UBE2G1: variants seen among roughly 807,000 people sequenced by gnomAD.
The protein encoded by UBE2G1 is ubiquitin-conjugating enzyme E2 G1.
In UBE2G1, 5 loss-of-function variants were observed where a neutral mutation model predicts 22.7. That is an observed-to-expected ratio of 0.22 (90% CI 0.12 to 0.46). The LOEUF (loss-of-function observed/expected upper bound fraction) is 0.46. Ranked by LOEUF, UBE2G1 falls within the 20% of genes least tolerant of loss-of-function variation. The pLI is 0.99. For synonymous variants in UBE2G1, 74 were observed against 67.5 expected, an observed-to-expected ratio of 1.10 and a Z score of -0.47; for missense variants, 88 against 203.9, an observed-to-expected ratio of 0.43 and a Z score of 3.46.
At chr17:4,343,527 C>G (rs1969734133) in intron 1 of UBE2G1, among the ~76,000 whole-genome samples, 1 of 152,106 alleles carries the variant, frequency 6.6e-6, no homozygotes, top group African/African-American at 2.4e-5. Flanking sequence ...TATGTCCAAG[C>G]CCTCTTTTCA....
At position 4,275,146 on chromosome 17, in the gene UBE2G1, G is replaced by T. The variant is rs1013909883; in HGVS notation, c.*38-2630C>A. ...AATCAGGCGACCTAGCCTTTTAATA[G>T]CAAAGATCCAGTTTTAAACAGCATT... On this transcript the variant is annotated intron_variant, in intron 5 of 5. Coordinates refer to ENST00000396981, the MANE Select transcript of UBE2G1 (RefSeq NM_003342.5). Among the ~76,000 whole-genome samples the T allele has an allele frequency of 3.3e-5, 5 of 152,146 alleles. No homozygotes were observed. The East Asian group carries it at 9.6e-4, about 29-fold the overall frequency.
At chr17:4,301,923 G>T (rs2143721545) in intron 2 of UBE2G1, 1 of 487,738 alleles carries the variant, frequency 2.1e-6, no homozygotes, top group Non-Finnish European at 4.1e-6. Flanking sequence ...ACAACCCCTG[G>T]GGTCACACTT....
chr17:4,365,814 C>A (rs967261893), intron 1 of UBE2G1, among the ~76,000 whole-genome samples: 1 of 152,196 alleles, frequency 6.6e-6, no homozygotes, highest in Non-Finnish European at 1.5e-5. Context: ...CCCGCCAGGG[C>A]CGGTCCCTTC....
chr17:4,332,119 AAGTATATAT>A, intron 1 of UBE2G1, among the ~76,000 whole-genome samples: 1 of 152,314 alleles, frequency 6.6e-6, no homozygotes, highest in African/African-American at 2.4e-5. Flanking sequence ...TTTTAAAGCT[AAGTATATAT>A]ACATATACAT....
At chr17:4,362,826 C>T (rs536386535) in intron 1 of UBE2G1, among the ~76,000 whole-genome samples, 16 of 152,228 alleles carry the variant, frequency 1.1e-4, no homozygotes, top group Admixed American at 3.3e-4. Flanking sequence ...TATGTCACTG[C>T]GCTCCAGTCT....
intron 1 of UBE2G1, among the ~76,000 whole-genome samples, chr17:4,328,762 A>C (rs2031579560): frequency 6.6e-6 from 1 of 152,208 alleles, no homozygotes; most frequent in Non-Finnish European, 1.5e-5. Context: ...ATTGACTGCC[A>C]CTTGATGGGC....
intron 1 of UBE2G1, among the ~76,000 whole-genome samples, chr17:4,357,968 GAC>G (rs1969926547): frequency 6.6e-6 from 1 of 150,944 alleles, no homozygotes; most frequent in African/African-American, 2.4e-5. Context: ...GATATATGTA[GAC>G]ACAAAGAGAG....
intron 1 of UBE2G1, among the ~76,000 whole-genome samples, chr17:4,313,005 A>G (rs1445166950): frequency 1.3e-5 from 2 of 152,222 alleles, no homozygotes; most frequent in Non-Finnish European, 2.9e-5. Flanking sequence ...TGTAGTAGTC[A>G]CGGGTAAATG....
intron 5 of UBE2G1, among the ~76,000 whole-genome samples, chr17:4,280,448 G>A (rs572550252): frequency 7.1e-6 from 1 of 141,264 alleles, no homozygotes; most frequent in African/African-American, 2.6e-5. Context: ...CTGGGTTCAA[G>A]TGATTCTCCC....
At chr17:4,324,942 T>C (rs1266317078) in intron 1 of UBE2G1, among the ~76,000 whole-genome samples, 2 of 151,716 alleles carry the variant, frequency 1.3e-5, no homozygotes, top group Non-Finnish European at 2.9e-5. Context: ...CCGGGCGTGG[T>C]GGCAGGCTTC....
In UBE2G1 at chr17:4,289,263, A is replaced by C; in HGVS notation, c.393T>G (p.Pro131=). 1.3e-6 allele frequency: 2 copies of C among 1,591,568 alleles called. No homozygotes were observed. Among genetic ancestry groups the C allele is most frequent in the South Asian group, 2.3e-5 (2 of 87,240 alleles). ...CAACATTAGCAGGTGAGTCTCCATT[A>C]GGGTCTGCCAGCATAGAAATGACAC... The part of the protein sequence containing the change: ...MISVISMLAD[P]NGDSPANVDA... The change falls in exon 4 of 6, where the codon CCT becomes CCG. Residue 131 remains proline, a synonymous_variant. Transcript: ENST00000396981.
At chr17:4,321,805 T>C (rs1969442443) in intron 1 of UBE2G1, among the ~76,000 whole-genome samples, 1 of 152,108 alleles carries the variant, frequency 6.6e-6, no homozygotes, top group South Asian at 2.1e-4. Flanking sequence ...TGCTATTACT[T>C]AGAGTCTAAG....
chr17:4,321,048 T>C (rs1969431206), intron 1 of UBE2G1, among the ~76,000 whole-genome samples: 1 of 152,140 alleles, frequency 6.6e-6, no homozygotes, highest in African/African-American at 2.4e-5. Context: ...TTCTGGGGGA[T>C]GAAGAGGGAA....
chr17:4,362,232 T>A (rs1969977356), intron 1 of UBE2G1, among the ~76,000 whole-genome samples: 1 of 152,206 alleles, frequency 6.6e-6, no homozygotes, highest in African/African-American at 2.4e-5. Context: ...CACAGAGAAA[T>A]ACACAACCTA....
At chr17:4,315,436 T>C (rs1370036836) in intron 1 of UBE2G1, among the ~76,000 whole-genome samples, 1 of 152,134 alleles carries the variant, frequency 6.6e-6, no homozygotes, top group Non-Finnish European at 1.5e-5. Flanking sequence ...TGTACTTGAC[T>C]ACTAAGAAAA....
intron 1 of UBE2G1, among the ~76,000 whole-genome samples, chr17:4,325,423 T>C (rs747051748): frequency 5.3e-5 from 8 of 152,240 alleles, no homozygotes; most frequent in Non-Finnish European, 1.0e-4. Flanking sequence ...CATATTTACA[T>C]TGCATGTATC....
intron 1 of UBE2G1, among the ~76,000 whole-genome samples, chr17:4,326,517 C>T (rs143746035): frequency 1.3e-5 from 2 of 152,128 alleles, no homozygotes; most frequent in East Asian, 3.8e-4. Context: ...TTGTGAAAGG[C>T]GGCATGGCAT....
At chr17:4,365,010 G>A (rs2143843421) in intron 1 of UBE2G1, among the ~76,000 whole-genome samples, 1 of 152,300 alleles carries the variant, frequency 6.6e-6, no homozygotes, top group African/African-American at 2.4e-5. Flanking sequence ...CTTGCTCATG[G>A]TCTAATAATA....
chr17:4,284,801 T>C lies in UBE2G1; in HGVS notation c.427-1880A>G, dbSNP rs561209260. ...ATTTGTTTTTTTCCCCCCGAGACTGTCATTTCTTTTTCTTTTTCTTTTCTT... is the reference window on the plus strand; with the variant it reads ...ATTTGTTTTTTTCCCCCCGAGACTGCCATTTCTTTTTCTTTTTCTTTTCTT... On this transcript the variant is annotated intron_variant, in intron 4 of 5. Transcript: ENST00000396981. 9.5e-3 allele frequency among the ~76,000 whole-genome samples: 201 copies of C among 21,052 alleles called. No homozygotes were observed. In the South Asian group the frequency reaches 0.15, roughly 16 times the overall value. 13.8% of individuals were successfully genotyped at this position (21,052 alleles called of 152,430 possible).
Sources: allele counts gnomAD v4.1 joint callset (sites outside exome capture counted in the v4.1 genomes callset), GRCh38; gene constraint gnomAD v4.1.1; transcripts MANE v1.5; gene names NCBI Gene and HGNC (gene_info 2026-07-23, HGNC 2026-07-21).